Variants in RCBTB2 observed in about 807,000 individuals in gnomAD.
RCBTB2 encodes the protein RCC1 and BTB domain-containing protein 2.
Under a neutral mutation model 65.4 loss-of-function variants are expected in RCBTB2, and 55 were observed. The observed-to-expected ratio is 0.84, with a 90% CI of 0.68 to 1.05. The LOEUF (loss-of-function observed/expected upper bound fraction) is 1.05, where lower values mean the gene tolerates loss of function less well. Ranked by LOEUF, RCBTB2 falls within the 50% of genes least tolerant of loss-of-function variation. The probability of loss-of-function intolerance (pLI) is 0.00; values close to 1 mark genes in which losing one functional copy is unlikely to be tolerated. For synonymous variants in RCBTB2, 220 were observed against 255.2 expected (o/e 0.86, Z 1.31); for missense variants, 599 against 680.1 (o/e 0.88, Z 1.33).
At chr13:48,511,092 A>G (rs74074903) in intron 9 of RCBTB2, among the ~76,000 whole-genome samples, 1,754 of 152,302 alleles carry the variant, frequency 0.012, 28 homozygotes, top group African/African-American at 0.04. Context: ...TTATAAAAGT[A>G]AAACATGTTC....
At chr13:48,493,133 C>T (rs1324980706) in intron 14 of RCBTB2, among the ~76,000 whole-genome samples, 1 of 151,648 alleles carries the variant, frequency 6.6e-6, no homozygotes, top group African/African-American at 2.4e-5. Context: ...TATTCAAAAT[C>T]TTAACCACTT....
Position 48,489,672 on chromosome 13 carries a change from T to C in RCBTB2, c.*439A>G, listed in dbSNP as rs562823019. Reference sequence around the variant, plus strand: ...GTTCTCAGGACATACTGAAGATTTATAATAAATTGAGTGCCTATTATACAC... The same window carrying C: ...GTTCTCAGGACATACTGAAGATTTACAATAAATTGAGTGCCTATTATACAC... On this transcript the variant is annotated 3_prime_UTR_variant, in exon 15 of 15. Coordinates refer to ENST00000344532, the MANE Select transcript of RCBTB2 (RefSeq NM_001268.4). 2 of 158,358 alleles carry C rather than the reference T, an allele frequency of 1.3e-5. No individual in the cohort carries two copies. The highest frequency in any genetic ancestry group is 3.7e-4 in the South Asian group (2 of 5,434). The allele number at this position is 158,358 out of a possible 1,614,324, so 9.8% of individuals were successfully genotyped here.
At chr13:48,503,004 C>A in intron 10 of RCBTB2, 90 bp from the exon 11 acceptor site, 1 of 1,327,170 alleles carries the variant, frequency 7.5e-7, no homozygotes, top group Non-Finnish European at 1.0e-6. Flanking sequence ...TGATGTGGGA[C>A]ATCATAAAAT....
At chr13:48,527,595 A>G (rs1951878253) in intron 1 of RCBTB2, among the ~76,000 whole-genome samples, 1 of 152,008 alleles carries the variant, frequency 6.6e-6, no homozygotes, top group African/African-American at 2.4e-5. Flanking sequence ...TCCAAATGGG[A>G]CACTCGGTGG....
upstream of RCBTB2, among the ~76,000 whole-genome samples, chr13:48,534,949 C>G (rs1952342280): frequency 6.6e-6 from 1 of 152,254 alleles, no homozygotes; most frequent in African/African-American, 2.4e-5. Flanking sequence ...TGGGAATGAG[C>G]TGTGCATGCT....
intron 10 of RCBTB2, among the ~76,000 whole-genome samples, chr13:48,506,850 C>A (rs1366331133): frequency 6.6e-6 from 1 of 152,214 alleles, no homozygotes; most frequent in Non-Finnish European, 1.5e-5. Context: ...TTTTTGGAAT[C>A]ATTTCTGTGT....
intron 14 of RCBTB2, among the ~76,000 whole-genome samples, chr13:48,493,406 C>T (rs552778420): frequency 6.6e-5 from 10 of 151,424 alleles, no homozygotes; most frequent in Admixed American, 2.0e-4. Flanking sequence ...AACACAGCAG[C>T]CAGGAGGCAG....
chr13:48,492,125 A>T (rs965396570), intron 14 of RCBTB2, among the ~76,000 whole-genome samples: 1 of 151,992 alleles, frequency 6.6e-6, no homozygotes, highest in African/African-American at 2.4e-5. Flanking sequence ...TCTCATCCTC[A>T]TCCTCAGCTG....
Position 48,501,704 on chromosome 13 carries a change from A to C in RCBTB2, c.1244+38T>G. On this transcript the variant is annotated intron_variant, in intron 12 of 14. Transcript: ENST00000344532. ...ACACTTAGAATATAATTGTTGAACG[A>C]ATTACTTTTCTCAATTCTCAAATAA... The C allele has an allele frequency of 5.1e-6, 8 of 1,563,638 alleles. No homozygotes were observed. In the South Asian group the frequency reaches 9.0e-5, roughly 18 times the overall value.
intron 2 of RCBTB2, among the ~76,000 whole-genome samples, chr13:48,522,995 T>C (rs1951509902): frequency 6.6e-6 from 1 of 152,222 alleles, no homozygotes; most frequent in Non-Finnish European, 1.5e-5. Flanking sequence ...TCATAATTTA[T>C]TCAGAATTAT....
At chr13:48,507,900 TAGG>T (rs1419165951) in intron 10 of RCBTB2, among the ~76,000 whole-genome samples, 13 of 152,252 alleles carry the variant, frequency 8.5e-5, no homozygotes, top group African/African-American at 3.1e-4. Flanking sequence ...ATGACTGGAT[TAGG>T]AGAAGACAAT....
At chr13:48,531,270 T>TA (rs1205295027) in intron 1 of RCBTB2, among the ~76,000 whole-genome samples, 1 of 152,226 alleles carries the variant, frequency 6.6e-6, no homozygotes. Context: ...TTGAGTTCAG[T>TA]AAAAAAATAT....
Position 48,515,771 on chromosome 13 carries a change from A to G in RCBTB2, c.43-30T>C, listed in dbSNP as rs1310440184. On this transcript the variant is annotated intron_variant, in intron 4 of 14. Transcript: ENST00000344532. ...AAAGGAAAAAATATATGTTGAAATG[A>G]CAAATTAAAAAGTGAATTTTCTCTG... 2.5e-6 allele frequency: 4 copies of G among 1,581,378 alleles called. No homozygotes were observed. The African/African-American group carries it at 4.1e-5, about 16-fold the overall frequency.
intron 4 of RCBTB2, among the ~76,000 whole-genome samples, chr13:48,518,472 A>AAAATATATATAT (rs1491137365): frequency 2.7e-4 from 32 of 116,582 alleles, no homozygotes; most frequent in African/African-American, 1.1e-3. Flanking sequence ...AAAAAAAAAA[A>AAAATATATATAT]ATATATATAT....
rs1196459404 is a variant in RCBTB2, at chr13:48,490,006, A to G, written c.*105T>C. ...CTTCTTCTGACAGTTACAAGTACTC[A>G]GCCAAACATAGCTCATCATACATAC... On this transcript the variant is annotated 3_prime_UTR_variant, in exon 15 of 15. Transcript: ENST00000344532. 2 of 1,267,228 alleles carry G rather than the reference A, an allele frequency of 1.6e-6. No homozygotes were observed. Among genetic ancestry groups the G allele is most frequent in the Non-Finnish European group, 2.3e-6 (2 of 875,698 alleles). 78.5% of individuals were successfully genotyped at this position (1,267,228 alleles called of 1,614,324 possible). A position where few individuals can be genotyped will look rare whatever the true frequency, so the allele number is the denominator to read the frequency against.
chr13:48,512,840 T>C lies in RCBTB2; in HGVS notation c.405A>G (p.Thr135=), dbSNP rs1332207626. ...HNAYSQLGNG[T]TNHGLVPCHI... ...GACAGGGCACTAAACCATGATTAGT[T>C]GTCCCATTGCCCAGCTGGCTATAAG... The change falls in exon 7 of 15, where the codon ACA becomes ACG. Residue 135 remains threonine (T), a synonymous_variant. Coordinates refer to ENST00000344532, the MANE Select transcript of RCBTB2 (RefSeq NM_001268.4). 8 of 1,613,850 alleles carry C rather than the reference T, an allele frequency of 5.0e-6. No individual in the cohort carries two copies. The highest frequency in any genetic ancestry group is 1.3e-5 in the African/African-American group (1 of 74,932).
At position 48,489,275 on chromosome 13, in the gene RCBTB2, A is replaced by G. The variant is rs1481337749; in HGVS notation, c.*836T>C. On this transcript the variant is annotated 3_prime_UTR_variant, in exon 15 of 15. Transcript: ENST00000344532. ...TTTATAGTGAGTGACATGAAAGTCA[A>G]CTACAAGAAAAGCACATTGTCATTT... 6.6e-6 allele frequency: 1 copy of G among 152,252 alleles called. No homozygotes were observed. The highest frequency in any genetic ancestry group is 1.5e-5 in the Non-Finnish European group (1 of 68,046). The allele number at this position is 152,252 out of a possible 1,614,324, so 9.4% of individuals were successfully genotyped here.
chr13:48,491,711 C>A (rs181203396), intron 14 of RCBTB2: 1 of 152,130 alleles, frequency 6.6e-6, no homozygotes, highest in East Asian at 1.9e-4. Context: ...TGATGCCTCA[C>A]AGATCTGGAC....
At chr13:48,531,552 G>A (rs1454235635) in intron 1 of RCBTB2, among the ~76,000 whole-genome samples, 1 of 152,198 alleles carries the variant, frequency 6.6e-6, no homozygotes, top group Admixed American at 6.5e-5. Flanking sequence ...AGTGAGCATT[G>A]AGCATACTGG....
Sources: allele counts gnomAD v4.1 joint callset (sites outside exome capture counted in the v4.1 genomes callset), GRCh38; gene constraint gnomAD v4.1.1; transcripts MANE v1.5; gene names NCBI Gene and HGNC (gene_info 2026-07-23, HGNC 2026-07-21).